The following RAB40B variants were observed in gnomAD, a reference collection of about 807,000 sequenced individuals.
RAB40B encodes the protein RAB40B, member RAS oncogene family, also known as ras-related protein Rab-40B.
RAB40B carries 21 observed loss-of-function variants against 24.0 expected under a neutral mutation model. That is an observed-to-expected ratio of 0.88 (90% CI 0.62 to 1.26). RAB40B has a LOEUF of 1.26. Ranked by LOEUF, RAB40B falls within the 50% of genes most tolerant of loss-of-function variation. The probability of loss-of-function intolerance (pLI) is 0.00; values close to 1 mark genes in which losing one functional copy is unlikely to be tolerated. For missense variants in RAB40B, 348 were observed against 390.5 expected (o/e 0.89, Z 0.92); for synonymous variants, 167 against 169.8 (o/e 0.98, Z 0.13).
At chr17:82,666,467 A>G (rs1390185214) in intron 1 of RAB40B, among the ~76,000 whole-genome samples, 3 of 141,956 alleles carry the variant, frequency 2.1e-5, no homozygotes, top group East Asian at 4.2e-4. Context: ...CTGGTCTTGA[A>G]CTCCTGACTT....
chr17:82,690,995 T>C lies in RAB40B; in HGVS notation c.142+7460A>G, dbSNP rs2046552435. Among the ~76,000 whole-genome samples, 5 of 152,196 alleles carry C rather than the reference T, an allele frequency of 3.3e-5. No homozygotes were observed. The South Asian group carries it at 1.0e-3, about 32-fold the overall frequency. ...TCACTTTCCATAACGGAGGCTCTGA[T>C]GCTCGTCTCCGGGAAGAAAAGCTCC... On this transcript the variant is annotated intron_variant, in intron 1 of 5. Transcript: ENST00000571995.
intron 3 of RAB40B, among the ~76,000 whole-genome samples, chr17:82,660,375 T>G (rs576826973): frequency 1.3e-5 from 2 of 148,354 alleles, no homozygotes; most frequent in East Asian, 4.2e-4. Context: ...GCACAGGCAC[T>G]CATGCACAGA....
At position 82,658,009 on chromosome 17, in the gene RAB40B, G is replaced by C. The variant is rs558276548; in HGVS notation, c.691C>G (p.Leu231Val). The C allele has an allele frequency of 6.2e-6, 10 of 1,614,220 alleles. No individual in the cohort carries two copies. Among genetic ancestry groups the C allele is most frequent in the Middle Eastern group, 1.6e-4 (1 of 6,062 alleles). ...HLKSFSMANG[L>V]NARMMHGGSY... The stretch of plus-strand genomic sequence containing the variant: ...CCGCCGTGCATCATCCTGGCATTCA[G>C]GCCGTTGGCCATCGAGAAGGACTTG... Residue 231 changes from leucine to valine, a missense_variant, in exon 6 of 6, where the codon CTG becomes GTG. Physicochemically the swap from Leu to Val is conservative, Grantham distance 32. Coordinates refer to ENST00000571995, the MANE Select transcript of RAB40B (RefSeq NM_006822.3).
intron 1 of RAB40B, among the ~76,000 whole-genome samples, chr17:82,665,258 CTT>C (rs11326382): frequency 9.7e-4 from 139 of 143,222 alleles, no homozygotes; most frequent in African/African-American, 2.7e-3. Flanking sequence ...CTTTCTTCTT[CTT>C]TTTTTTTTTT....
intron 1 of RAB40B, among the ~76,000 whole-genome samples, chr17:82,683,308 C>A (rs73359110): frequency 6.6e-6 from 1 of 152,010 alleles, no homozygotes; most frequent in Non-Finnish European, 1.5e-5. Flanking sequence ...AAGAAAAAAA[C>A]TGATCAACTG....
intron 1 of RAB40B, 125 bp downstream of exon 1, chr17:82,698,330 C>G: frequency 1.1e-6 from 1 of 922,874 alleles, no homozygotes; most frequent in Non-Finnish European, 1.4e-6. Flanking sequence ...GCGCCCCGGC[C>G]TCTTCCCGAC....
At chr17:82,688,715 C>G (rs1042372780) in intron 1 of RAB40B, among the ~76,000 whole-genome samples, 19 of 152,180 alleles carry the variant, frequency 1.2e-4, no homozygotes, top group African/African-American at 4.6e-4. Flanking sequence ...AGGTGGATCA[C>G]CTGAGGTCAG....
intron 1 of RAB40B, among the ~76,000 whole-genome samples, chr17:82,677,723 C>T (rs775934631): frequency 6.6e-6 from 1 of 152,220 alleles, no homozygotes; most frequent in Non-Finnish European, 1.5e-5. Context: ...ACACAGAGCC[C>T]GCATCCTCTT....
At chr17:82,695,196 T>C (rs1194720142) in intron 1 of RAB40B, among the ~76,000 whole-genome samples, 1 of 147,992 alleles carries the variant, frequency 6.8e-6, no homozygotes, top group African/African-American at 2.6e-5. Context: ...TTTCTTTCTT[T>C]CTTTTTTTTT....
At chr17:82,683,972 G>A (rs960317915) in intron 1 of RAB40B, among the ~76,000 whole-genome samples, 83 of 151,872 alleles carry the variant, frequency 5.5e-4, no homozygotes, top group Admixed American at 3.9e-3. Context: ...TGTAATCCCA[G>A]CACTTTGGGA....
At chr17:82,676,205 C>T (rs1170547847) in intron 1 of RAB40B, among the ~76,000 whole-genome samples, 1 of 152,156 alleles carries the variant, frequency 6.6e-6, no homozygotes, top group Non-Finnish European at 1.5e-5. Context: ...GGCTCCAACT[C>T]CTCCCCAAAC....
intron 2 of RAB40B, chr17:82,662,227 A>C: frequency 1.0e-6 from 1 of 985,466 alleles, no homozygotes; most frequent in Non-Finnish European, 1.2e-6. Flanking sequence ...CCTAGGAGTG[A>C]GTGCCTCATT....
chr17:82,668,690 T>C (rs976891248), intron 1 of RAB40B, among the ~76,000 whole-genome samples: 20 of 152,320 alleles, frequency 1.3e-4, no homozygotes, highest in African/African-American at 4.8e-4. Flanking sequence ...GGCCAGGCAT[T>C]TGGAGCAGGC....
At chr17:82,685,568 G>T (rs139396349) in intron 1 of RAB40B, among the ~76,000 whole-genome samples, 2,693 of 152,258 alleles carry the variant, frequency 0.018, 32 homozygotes, top group Middle Eastern at 0.038. Context: ...GGTCCTAGGG[G>T]CCCCTCCAGG....
chr17:82,662,383 G>T (rs2046184925), intron 2 of RAB40B: 1 of 985,352 alleles, frequency 1.0e-6, no homozygotes, highest in South Asian at 4.7e-5. Context: ...AGGCCGAAGG[G>T]CCAGCACGTG....
Position 82,698,464 on chromosome 17 carries a change from G to C in RAB40B, c.133C>G (p.His45Asp). 1 of 1,469,632 alleles carries C rather than the reference G, an allele frequency of 6.8e-7. No individual in the cohort carries two copies. The highest frequency in any genetic ancestry group is 9.1e-7 in the Non-Finnish European group (1 of 1,099,490). 91.0% of individuals were successfully genotyped at this position (1,469,632 alleles called of 1,614,324 possible). A position where few individuals can be genotyped will look rare whatever the true frequency, so the allele number is the denominator to read the frequency against. The change falls in exon 1 of 6, where the codon CAC becomes GAC. Residue 45 changes from histidine to aspartate, a missense_variant. Transcript: ENST00000571995. ...CTCCGCCCGCGCTCACCCGCCGGGTGGCCGTACGGGGACTCGGCCGCGCCA... is the reference window on the plus strand; with the variant it reads ...CTCCGCCCGCGCTCACCCGCCGGGTCGCCGTACGGGGACTCGGCCGCGCCA... ...QDGAAESPYG[H>D]PAGIDYKTTT...
chr17:82,698,541 A>C lies in RAB40B; in HGVS notation c.56T>G (p.Leu19Arg). The C allele has an allele frequency of 6.6e-7, 1 of 1,525,954 alleles. No homozygotes were observed. Among genetic ancestry groups the C allele is most frequent in the Non-Finnish European group, 8.8e-7 (1 of 1,131,838 alleles). 94.5% of individuals were successfully genotyped at this position (1,525,954 alleles called of 1,614,324 possible). Residue 19 changes from leucine to arginine, a missense_variant, in exon 1 of 6, where the codon CTG becomes CGG. Around this residue, in one of 3 missense-constraint regions of RAB40B, gnomAD observed 101 missense variants for 85.5 expected, o/e 1.18. Transcript: ENST00000571995. ...CTTGCCCACGTCGCTGTCGCCCACCAGCAGGAACTTGAGCAGAAAGTCGTA... is the reference window on the plus strand; with the variant it reads ...CTTGCCCACGTCGCTGTCGCCCACCCGCAGGAACTTGAGCAGAAAGTCGTA... ...RAYDFLLKFLLVGDSDVGKGE... is the reference protein window; with the variant it reads ...RAYDFLLKFLRVGDSDVGKGE...
At chr17:82,658,199 G>A (rs1208934626) in intron 5 of RAB40B, 65 bp from the exon 6 acceptor site, 2 of 1,566,674 alleles carry the variant, frequency 1.3e-6, no homozygotes, top group African/African-American at 2.7e-5. Flanking sequence ...ATGAGGGGTG[G>A]TGCCCACACC....
chr17:82,657,889 T>C lies in RAB40B; in HGVS notation c.811A>G (p.Thr271Ala). The C allele has an allele frequency of 6.9e-7, 1 of 1,444,482 alleles. No homozygotes were observed. The highest frequency in any genetic ancestry group is 9.3e-7 in the Non-Finnish European group (1 of 1,076,118). 89.5% of individuals were successfully genotyped at this position (1,444,482 alleles called of 1,614,324 possible). Reference sequence around the variant, plus strand: ...TAAGAAATTTTGCAGCTGTTTCTGGTGCAGTTTTTGGGGGGGCTCTGGGGG... The same window carrying C: ...TAAGAAATTTTGCAGCTGTTTCTGGCGCAGTTTTTGGGGGGGCTCTGGGGG... Reference protein sequence around the residue: ...RPPQSPPKNCTRNSCKIS With the variant: ...RPPQSPPKNCARNSCKIS The change falls in exon 6 of 6, where the codon ACC (threonine) becomes GCC (alanine). Residue 271 changes from threonine to alanine, a missense_variant. Around this residue, in one of 3 missense-constraint regions of RAB40B, gnomAD observed 121 missense variants for 124.0 expected, o/e 0.98. Transcript: ENST00000571995.
Sources: allele counts gnomAD v4.1 joint callset (sites outside exome capture counted in the v4.1 genomes callset), GRCh38; gene constraint gnomAD v4.1.1; regional missense constraint gnomAD v4.1.1; transcripts MANE v1.5; gene names NCBI Gene and HGNC (gene_info 2026-07-23, HGNC 2026-07-21).